The following RPAP2 variants were observed in gnomAD, a reference collection of about 807,000 sequenced individuals.
The protein encoded by RPAP2 is RNA polymerase II associated protein 2.
Under a neutral mutation model 73.1 loss-of-function variants are expected in RPAP2, and 52 were observed. The ratio of observed to expected loss-of-function variants is 0.71; its 90% CI spans 0.57 to 0.90. The LOEUF is 0.90. RPAP2 is among the 40% of genes least tolerant of loss of function. The probability of loss-of-function intolerance (pLI) is 0.00; values close to 1 mark genes in which losing one functional copy is unlikely to be tolerated. For missense variants in RPAP2, 598 were observed against 701.8 expected (o/e 0.85, Z 1.67); for synonymous variants, 225 against 242.1 (o/e 0.93, Z 0.65).
chr1:92,375,132 C>T (rs1655333200), intron 11 of RPAP2, among the ~76,000 whole-genome samples: 2 of 152,070 alleles, frequency 1.3e-5, no homozygotes, highest in East Asian at 3.9e-4. Flanking sequence ...AATCATAATA[C>T]TCTTGAATGA....
At chr1:92,301,109 A>G (rs1650823913) in intron 2 of RPAP2, among the ~76,000 whole-genome samples, 1 of 152,216 alleles carries the variant, frequency 6.6e-6, no homozygotes, top group South Asian at 2.1e-4. Flanking sequence ...CAAAGAGTAT[A>G]TAAAGACTTA....
rs1213605203 is a variant in RPAP2 at position 92,323,492 on chromosome 1, C to A, written c.572C>A (p.Thr191Lys). 2 of 1,612,964 alleles carry A rather than the reference C, an allele frequency of 1.2e-6. No homozygotes were observed. The highest frequency in any genetic ancestry group is 1.7e-6 in the Non-Finnish European group (2 of 1,179,486). The change falls in exon 8 of 13, where the codon ACA becomes AAA. Residue 191 changes from threonine to lysine, a missense_variant. Transcript: ENST00000610020. ...EVQLCSKAIKTSDIDNPSHFE... is the reference protein window; with the variant it reads ...EVQLCSKAIKKSDIDNPSHFE... ...CAGTTATGCAGTAAAGCCATTAAAACATCAGATATCGACAATCCTAGCCAC... is the reference window on the plus strand; with the variant it reads ...CAGTTATGCAGTAAAGCCATTAAAAAATCAGATATCGACAATCCTAGCCAC...
chr1:92,345,996 T>C, intron 11 of RPAP2, 82 bp downstream of exon 11: 1 of 965,310 alleles, frequency 1.0e-6, no homozygotes, highest in South Asian at 1.4e-5. Context: ...TCCACTGATT[T>C]TGTAAACTGC....
At chr1:92,346,967 C>G (rs1653934496) in intron 11 of RPAP2, among the ~76,000 whole-genome samples, 1 of 152,170 alleles carries the variant, frequency 6.6e-6, no homozygotes, top group African/African-American at 2.4e-5. Flanking sequence ...GAATCAATCT[C>G]ATAGCCTCTC....
At chr1:92,303,928 G>T (rs1199284004) in intron 3 of RPAP2, 49 bp from the exon 4 acceptor site, 6 of 1,301,296 alleles carry the variant, frequency 4.6e-6, no homozygotes, top group Non-Finnish European at 6.6e-6. Flanking sequence ...GCTGATAAAT[G>T]AACTTTTCTA....
Position 92,349,837 on chromosome 1 carries a change from A to C in RPAP2, c.1688+3923A>C, listed in dbSNP as rs539466149. ...TAGCTACTAGGGAAGCTGTGGTGGG[A>C]GGATCTCTTCAGCCCAGGAGATCAA... On this transcript the variant is annotated intron_variant, in intron 11 of 12. Coordinates refer to ENST00000610020, the MANE Select transcript of RPAP2 (RefSeq NM_024813.3). 5.2e-4 allele frequency among the ~76,000 whole-genome samples: 79 copies of C among 152,288 alleles called. 1 individual carries two copies. The highest frequency in any genetic ancestry group is 1.9e-3 in the African/African-American group (79 of 41,574).
intron 8 of RPAP2, among the ~76,000 whole-genome samples, chr1:92,331,474 A>T (rs551730642): frequency 2.2e-4 from 34 of 152,108 alleles, no homozygotes; most frequent in African/African-American, 7.7e-4. Flanking sequence ...CCTCTGTTAA[A>T]TTGTTTTTAT....
chr1:92,317,663 A>T (rs1249805808), intron 6 of RPAP2, among the ~76,000 whole-genome samples: 1 of 152,126 alleles, frequency 6.6e-6, no homozygotes, highest in Non-Finnish European at 1.5e-5. Flanking sequence ...CATGCTACTG[A>T]ACTATATACC....
intron 10 of RPAP2, among the ~76,000 whole-genome samples, chr1:92,343,435 A>C (rs547186142): frequency 2.0e-5 from 3 of 152,298 alleles, no homozygotes; most frequent in African/African-American, 7.2e-5. Context: ...TATTAAACCC[A>C]TATCTTTCAG....
intron 5 of RPAP2, among the ~76,000 whole-genome samples, chr1:92,305,246 C>T (rs866060023): frequency 6.6e-6 from 1 of 151,762 alleles, no homozygotes; most frequent in African/African-American, 2.4e-5. Flanking sequence ...TCCTGGCTAA[C>T]ACAGTGAAAT....
At chr1:92,312,383 C>T (rs1219770852) in intron 6 of RPAP2, among the ~76,000 whole-genome samples, 2 of 150,576 alleles carry the variant, frequency 1.3e-5, no homozygotes, top group African/African-American at 4.9e-5. Flanking sequence ...CACACCACTG[C>T]ACTCCAGCCT....
rs1655994076 is a variant in RPAP2 at position 92,390,054 on chromosome 1, G to A, written c.*3043G>A. ...CAGGAAATACAGAGAACACCACAAA[G>A]ATACTCCTCAAGAAGAGCAACCCCA... is the stretch of plus-strand genomic sequence containing the variant. On this transcript the variant is annotated 3_prime_UTR_variant, in exon 13 of 13. Coordinates refer to ENST00000610020, the MANE Select transcript of RPAP2 (RefSeq NM_024813.3). 2.0e-5 allele frequency: 3 copies of A among 152,132 alleles called. No homozygotes were observed. Among genetic ancestry groups the A allele is most frequent in the Non-Finnish European group, 2.9e-5 (2 of 68,036 alleles). The allele number at this position is 152,132 out of a possible 1,614,324, so 9.4% of individuals were successfully genotyped here.
At chr1:92,356,573 C>T (rs1654472695) in intron 11 of RPAP2, among the ~76,000 whole-genome samples, 1 of 145,426 alleles carries the variant, frequency 6.9e-6, no homozygotes, top group Admixed American at 7.1e-5. Flanking sequence ...TGTGTGTCAC[C>T]ACTCCTGGCT....
chr1:92,322,504 A>G (rs2101171858), intron 7 of RPAP2, among the ~76,000 whole-genome samples: 1 of 151,862 alleles, frequency 6.6e-6, no homozygotes, highest in Non-Finnish European at 1.5e-5. Context: ...AGATCTTGCC[A>G]CTGCGCTCCA....
chr1:92,371,148 T>C (rs1423710565), intron 11 of RPAP2, among the ~76,000 whole-genome samples: 1 of 151,690 alleles, frequency 6.6e-6, no homozygotes, highest in Non-Finnish European at 1.5e-5. Flanking sequence ...CTACTAAAAA[T>C]AGAAAAATCA....
chr1:92,333,361 T>A (rs1026458403), intron 8 of RPAP2, 30 bp from the exon 9 acceptor site: 2 of 1,519,886 alleles, frequency 1.3e-6, no homozygotes, highest in Non-Finnish European at 9.1e-7. Flanking sequence ...CTTATGATTC[T>A]GTTTTGCTTT....
At chr1:92,360,726 AT>A (rs1654692561) in intron 11 of RPAP2, among the ~76,000 whole-genome samples, 1 of 152,118 alleles carries the variant, frequency 6.6e-6, no homozygotes, top group Admixed American at 6.5e-5. Flanking sequence ...ATTTGGTAAC[AT>A]TTTGCCTCCT....
chr1:92,354,908 T>A (rs896084031), intron 11 of RPAP2, among the ~76,000 whole-genome samples: 10 of 149,614 alleles, frequency 6.7e-5, no homozygotes, highest in African/African-American at 2.2e-4. Flanking sequence ...TTATTATTAT[T>A]ATTATTATTA....
chr1:92,382,638 T>A (rs1293963669), intron 12 of RPAP2, among the ~76,000 whole-genome samples: 1 of 152,218 alleles, frequency 6.6e-6, no homozygotes, highest in Non-Finnish European at 1.5e-5. Context: ...TCTTGTAAAT[T>A]TGTTTGAGTT....
Sources: allele counts gnomAD v4.1 joint callset (sites outside exome capture counted in the v4.1 genomes callset), GRCh38; gene constraint gnomAD v4.1.1; transcripts MANE v1.5; gene names NCBI Gene and HGNC (gene_info 2026-07-23, HGNC 2026-07-21).